Variants in CDH18 observed in about 807,000 individuals in gnomAD.
CDH18 encodes the protein cadherin 18, also known as cadherin-18.
CDH18 carries 31 observed loss-of-function variants against 67.9 expected under a neutral mutation model. The observed-to-expected ratio is 0.46, with a 90% CI of 0.34 to 0.62. CDH18 has a LOEUF of 0.62. Among genes scored for constraint, CDH18 ranks in the 20% least tolerant of loss-of-function variants. CDH18 has a pLI of 0.01. For synonymous variants in CDH18, 362 were observed against 347.2 expected, an observed-to-expected ratio of 1.04 and a Z score of -0.48; for missense variants, 890 against 975.5, an observed-to-expected ratio of 0.91 and a Z score of 1.17.
chr5:20,082,317 T>A (rs1031025461), intron 2 of CDH18, among the ~76,000 whole-genome samples: 1 of 152,194 alleles, frequency 6.6e-6, no homozygotes, highest in Non-Finnish European at 1.5e-5. Context: ...GCAAGTAGTA[T>A]TAGCTTGGTG....
At chr5:20,033,007 G>T (rs1260566932) in intron 2 of CDH18, among the ~76,000 whole-genome samples, 1 of 151,908 alleles carries the variant, frequency 6.6e-6, no homozygotes, top group African/African-American at 2.4e-5. Context: ...TTGAGATATT[G>T]TGGGGGAAAA....
At chr5:19,663,729 T>C (rs1757507478) in intron 5 of CDH18, among the ~76,000 whole-genome samples, 1 of 151,946 alleles carries the variant, frequency 6.6e-6, no homozygotes, top group African/African-American at 2.4e-5. Flanking sequence ...TCTCAACTTA[T>C]TTGACTAGTG....
At chr5:19,962,793 A>C (rs1328343005) in intron 2 of CDH18, among the ~76,000 whole-genome samples, 1 of 152,064 alleles carries the variant, frequency 6.6e-6, no homozygotes, top group Non-Finnish European at 1.5e-5. Context: ...AAATAAATAC[A>C]TCTTAAGGAG....
intron 12 of CDH18, among the ~76,000 whole-genome samples, chr5:19,474,535 T>A (rs1738118676): frequency 6.6e-6 from 1 of 151,976 alleles, no homozygotes; most frequent in Middle Eastern, 3.2e-3. Context: ...AGCTTAATGT[T>A]CCAATAATGG....
At chr5:20,439,735 A>G (rs1337862118) in intron 1 of CDH18, among the ~76,000 whole-genome samples, 2 of 151,762 alleles carry the variant, frequency 1.3e-5, no homozygotes, top group South Asian at 2.1e-4. Flanking sequence ...TTTTTTAACA[A>G]TATAATTTTT....
intron 5 of CDH18, among the ~76,000 whole-genome samples, chr5:19,663,764 T>C (rs1027636348): frequency 3.3e-5 from 5 of 151,968 alleles, no homozygotes; most frequent in African/African-American, 1.2e-4. Flanking sequence ...TTAAATAAAT[T>C]TATTAATATT....
chr5:19,571,728 A>T lies in CDH18; in HGVS notation c.1104T>A (p.Thr368=). 6.2e-7 allele frequency: 1 copy of T among 1,614,028 alleles called. No individual in the cohort carries two copies. The highest frequency in any genetic ancestry group is 8.5e-7 in the Non-Finnish European group (1 of 1,179,932). ...CATCCCCAACAATGATCTTCAGCAT[A>T]GTAGCATCTTTAAAAGGACCCAAGT... is the stretch of plus-strand genomic sequence containing the variant. The part of the protein sequence containing the change: ...FSHLGPFKDA[T]MLKIIVGDVD... The change falls in exon 8 of 13, where the codon ACT becomes ACA. Residue 368 remains threonine, a synonymous_variant. Coordinates refer to ENST00000382275, the MANE Select transcript of CDH18 (RefSeq NM_004934.5).
chr5:19,599,770 T>C (rs539752614), intron 6 of CDH18, among the ~76,000 whole-genome samples: 1 of 151,714 alleles, frequency 6.6e-6, no homozygotes, highest in Non-Finnish European at 1.5e-5. Context: ...GGCATGGTGG[T>C]GGAAGATGCC....
At chr5:19,474,695 T>C (rs916881743) in intron 12 of CDH18, among the ~76,000 whole-genome samples, 3 of 152,126 alleles carry the variant, frequency 2.0e-5, no homozygotes, top group Non-Finnish European at 4.4e-5. Flanking sequence ...ATATTTCTAC[T>C]ATAAAAATAC....
At chr5:19,748,430 A>AT (rs1770417851) in intron 3 of CDH18, among the ~76,000 whole-genome samples, 1 of 152,186 alleles carries the variant, frequency 6.6e-6, no homozygotes, top group African/African-American at 2.4e-5. Context: ...AGATTCTGCT[A>AT]TAACACCAAA....
At chr5:20,533,125 T>C (rs1217015222) in intron 1 of CDH18, among the ~76,000 whole-genome samples, 4 of 152,034 alleles carry the variant, frequency 2.6e-5, no homozygotes, top group South Asian at 2.1e-4. Flanking sequence ...GAGAATGCCA[T>C]GTGGAGGTGA....
Position 19,720,876 on chromosome 5 carries a change from C to T in CDH18, c.643+471G>A, listed in dbSNP as rs756012817. 2.6e-5 allele frequency among the ~76,000 whole-genome samples: 4 copies of T among 152,042 alleles called. 1 individual carries two copies. The South Asian group carries it at 8.3e-4, about 32-fold the overall frequency. Reference sequence around the variant, plus strand: ...CCCAAGAAATAGAAATCCCCCAGTACAATACAATTTTATATATATGTGTGT... The same window carrying T: ...CCCAAGAAATAGAAATCCCCCAGTATAATACAATTTTATATATATGTGTGT... On this transcript the variant is annotated intron_variant, in intron 5 of 12. Coordinates refer to ENST00000382275, the MANE Select transcript of CDH18 (RefSeq NM_004934.5).
intron 2 of CDH18, among the ~76,000 whole-genome samples, chr5:19,975,504 T>C (rs1798417875): frequency 1.3e-5 from 2 of 152,114 alleles, no homozygotes; most frequent in African/African-American, 4.8e-5. Flanking sequence ...AAGGTCTAGG[T>C]TGAGCATTTA....
At chr5:19,559,171 G>C (rs1738992446) in intron 8 of CDH18, among the ~76,000 whole-genome samples, 2 of 151,908 alleles carry the variant, frequency 1.3e-5, no homozygotes, top group Admixed American at 1.3e-4. Flanking sequence ...CTATTGTACT[G>C]TGTGTTTTTT....
intron 6 of CDH18, among the ~76,000 whole-genome samples, chr5:19,608,208 G>A (rs1000384135): frequency 6.6e-6 from 1 of 151,596 alleles, no homozygotes; most frequent in Non-Finnish European, 1.5e-5. Context: ...TTATTTCAAA[G>A]TGAGTAGGAA....
In CDH18 at chr5:19,899,111, C is replaced by T. The variant is rs186015554; in HGVS notation, c.-256-59869G>A. Among the ~76,000 whole-genome samples the T allele has an allele frequency of 2.6e-3, 399 of 152,144 alleles. 1 individual carries two copies. The highest frequency in any genetic ancestry group is 4.7e-3 in the Non-Finnish European group (322 of 67,980). ...GCAAATCAAAACCAAAATAAGATATCGTCTCAGGCCAGGCACGGTGGCTCA... is the reference window on the plus strand; with the variant it reads ...GCAAATCAAAACCAAAATAAGATATTGTCTCAGGCCAGGCACGGTGGCTCA... On this transcript the variant is annotated intron_variant, in intron 2 of 12. Coordinates refer to ENST00000382275, the MANE Select transcript of CDH18 (RefSeq NM_004934.5).
chr5:20,358,301 T>TAA (rs909506106), intron 1 of CDH18, among the ~76,000 whole-genome samples: 17 of 152,202 alleles, frequency 1.1e-4, no homozygotes, highest in African/African-American at 4.1e-4. Flanking sequence ...CCCCTGATTC[T>TAA]AAAACAAAGT....
At chr5:19,544,807 G>A (rs752201878) in intron 8 of CDH18, among the ~76,000 whole-genome samples, 2 of 151,960 alleles carry the variant, frequency 1.3e-5, no homozygotes, top group African/African-American at 2.4e-5. Flanking sequence ...GGAAACACAC[G>A]GGGCAAAGTT....
At chr5:20,224,709 T>C (rs1741477167) in intron 2 of CDH18, among the ~76,000 whole-genome samples, 1 of 152,132 alleles carries the variant, frequency 6.6e-6, no homozygotes, top group South Asian at 2.1e-4. Context: ...TTTCTCTTTT[T>C]ACAGACATGA....
Sources: allele counts gnomAD v4.1 joint callset (sites outside exome capture counted in the v4.1 genomes callset), GRCh38; gene constraint gnomAD v4.1.1; transcripts MANE v1.5; gene names NCBI Gene and HGNC (gene_info 2026-07-23, HGNC 2026-07-21).